Variants in UMODL1 observed in about 807,000 individuals in gnomAD.
The protein encoded by UMODL1 is uromodulin like 1, also known as uromodulin-like 1.
Under a neutral mutation model 136.3 loss-of-function variants are expected in UMODL1, and 128 were observed. That is an observed-to-expected ratio of 0.94 (90% confidence interval 0.81 to 1.09). UMODL1 has a LOEUF of 1.09. UMODL1 is among the 50% of genes least tolerant of loss of function. The probability of loss-of-function intolerance (pLI) is 0.00; values close to 1 mark genes in which losing one functional copy is unlikely to be tolerated. For missense variants in UMODL1, 1,766 were observed against 1,725.6 expected (o/e 1.02, Z -0.41); for synonymous variants, 721 against 720.0 (o/e 1.00, Z -0.02).
intron 21 of UMODL1, 127 bp from the exon 22 acceptor site, chr21:42,137,312 G>T (rs1366235988): frequency 8.4e-7 from 1 of 1,189,240 alleles, no homozygotes; most frequent in Non-Finnish European, 1.2e-6. Flanking sequence ...AGGCACACGG[G>T]TGCACACGTG....
chr21:42,129,609 G>T, intron 20 of UMODL1, 104 bp from the exon 21 acceptor site: 1 of 1,066,898 alleles, frequency 9.4e-7, no homozygotes, highest in East Asian at 2.7e-5. Context: ...ACTTCTAGCA[G>T]GATAAAATCG....
At chr21:42,067,335 T>A (rs1242100719), upstream of UMODL1, among the ~76,000 whole-genome samples, 2 of 152,196 alleles carry the variant, frequency 1.3e-5, no homozygotes, top group Non-Finnish European at 2.9e-5. Flanking sequence ...TGACAATAAG[T>A]GATGGATACT....
At chr21:42,139,405 A>G (rs2067249388) in intron 22 of UMODL1, among the ~76,000 whole-genome samples, 1 of 152,284 alleles carries the variant, frequency 6.6e-6, no homozygotes, top group Admixed American at 6.5e-5. Flanking sequence ...TGAGAGCTCT[A>G]TCGTGAGACA....
chr21:42,131,830 C>A (rs990019122), intron 21 of UMODL1, among the ~76,000 whole-genome samples: 2 of 152,222 alleles, frequency 1.3e-5, no homozygotes, highest in Non-Finnish European at 2.9e-5. Flanking sequence ...GCTGGGACAA[C>A]CTGCTTCTCC....
Position 42,084,038 on chromosome 21 carries a change from T to C in UMODL1, c.320-46T>C, listed in dbSNP as rs774893202. 8.1e-6 allele frequency: 13 copies of C among 1,597,868 alleles called. No individual in the cohort carries two copies. The South Asian group carries it at 1.1e-4, about 14-fold the overall frequency. On this transcript the variant is annotated intron_variant, in intron 2 of 22. Coordinates refer to ENST00000408910, the MANE Select transcript of UMODL1 (RefSeq NM_001004416.3). ...TGAGGTCCCCGTGCAGCAAATCAGG[T>C]TTGTCTTTTATCGCCAGTATCATTA...
intron 17 of UMODL1, among the ~76,000 whole-genome samples, chr21:42,126,050 G>T (rs981128131): frequency 6.6e-6 from 1 of 152,202 alleles, no homozygotes; most frequent in African/African-American, 2.4e-5. Context: ...AGCTCTTGAC[G>T]GTTTTTGACA....
chr21:42,137,251 A>T (rs1238844043), intron 21 of UMODL1, among the ~76,000 whole-genome samples, 188 bp from the exon 22 acceptor site: 1 of 152,160 alleles, frequency 6.6e-6, no homozygotes, highest in Admixed American at 6.5e-5. Context: ...CGCTGTCCTT[A>T]CTGCAATGCT....
intron 4 of UMODL1, chr21:42,086,577 G>A: frequency 2.2e-6 from 1 of 455,674 alleles, no homozygotes. Flanking sequence ...TAGCTCTGAA[G>A]CCACACTGCC....
At position 42,123,089 on chromosome 21, in the gene UMODL1, G is replaced by A. The variant is rs1430063321; in HGVS notation, c.3086G>A (p.Ser1029Asn). ...CACCCCTCCTGCAACGTGAGCCACAGCAATGGCACACACGTGCTCCTGGAG... is the reference window on the plus strand; with the variant it reads ...CACCCCTCCTGCAACGTGAGCCACAACAATGGCACACACGTGCTCCTGGAG... ...LSHPSCNVSH[S>N]NGTHVLLEAG... The change falls in exon 17 of 23, where the codon AGC becomes AAC. Residue 1029 changes from serine (S) to asparagine (N), a missense_variant. By Grantham distance (46) the Ser-to-Asn change is conservative. Coordinates refer to ENST00000408910, the MANE Select transcript of UMODL1 (RefSeq NM_001004416.3). The surrounding 1 kb of genome is among the most constrained non-coding windows in gnomAD (Gnocchi z 4.4). 1 of 1,614,128 alleles carries A rather than the reference G, an allele frequency of 6.2e-7. No individual in the cohort carries two copies. The highest frequency in any genetic ancestry group is 1.1e-5 in the South Asian group (1 of 91,086).
intron 2 of UMODL1, among the ~76,000 whole-genome samples, chr21:42,079,658 G>T (rs753327693): frequency 6.6e-6 from 1 of 152,188 alleles, no homozygotes; most frequent in Admixed American, 6.5e-5. Context: ...CTTTCTAAGA[G>T]GCCAGGGCAG....
chr21:42,130,979 A>G (rs1488116299), intron 21 of UMODL1, among the ~76,000 whole-genome samples: 2 of 151,952 alleles, frequency 1.3e-5, no homozygotes, highest in Non-Finnish European at 2.9e-5. Context: ...ACGCCCGGCT[A>G]ATTTTTTGTA....
intron 22 of UMODL1, among the ~76,000 whole-genome samples, chr21:42,138,076 C>G (rs1035571764): frequency 1.3e-5 from 2 of 152,098 alleles, no homozygotes. Flanking sequence ...GACCACAGGA[C>G]CCAGGGGCCC....
At chr21:42,090,051 C>T (rs570538806) in intron 5 of UMODL1, among the ~76,000 whole-genome samples, 44 of 152,306 alleles carry the variant, frequency 2.9e-4, no homozygotes, top group African/African-American at 8.7e-4. Flanking sequence ...TGAGGCTGCC[C>T]GGTGAGCCAG....
rs546596575 is a variant in UMODL1, at chr21:42,135,572, C to A, written c.3776-1867C>A. 1.4e-3 allele frequency among the ~76,000 whole-genome samples: 216 copies of A among 152,350 alleles called. 1 individual carries two copies. The highest frequency in any genetic ancestry group is 5.0e-3 in the African/African-American group (210 of 41,588). Reference sequence around the variant, plus strand: ...TACTCTGCATCCTCAGGGCGGCACCCCCCCTTGTGCTGGCAAGGTGGCCCG... The same window carrying A: ...TACTCTGCATCCTCAGGGCGGCACCACCCCTTGTGCTGGCAAGGTGGCCCG... On this transcript the variant is annotated intron_variant, in intron 21 of 22. Coordinates refer to ENST00000408910, the MANE Select transcript of UMODL1 (RefSeq NM_001004416.3).
chr21:42,077,054 T>C (rs2066302499), intron 2 of UMODL1, among the ~76,000 whole-genome samples: 1 of 134,588 alleles, frequency 7.4e-6, no homozygotes, highest in Admixed American at 7.2e-5. Flanking sequence ...TGTGTGTGTG[T>C]GTGTGTGTGT....
chr21:42,116,485 C>T (rs553662395), intron 14 of UMODL1, among the ~76,000 whole-genome samples: 81 of 152,274 alleles, frequency 5.3e-4, no homozygotes, highest in African/African-American at 1.8e-3. Context: ...GGATCTGCCC[C>T]GGCGAAGACA....
chr21:42,134,574 C>A (rs115528520), intron 21 of UMODL1, among the ~76,000 whole-genome samples: 4 of 152,154 alleles, frequency 2.6e-5, no homozygotes, highest in Middle Eastern at 3.4e-3. Flanking sequence ...TTCCTCTGAA[C>A]GCGGGTTCTT....
intron 22 of UMODL1, among the ~76,000 whole-genome samples, chr21:42,141,108 T>C (rs1260382145): frequency 6.6e-6 from 1 of 152,180 alleles, no homozygotes; most frequent in Non-Finnish European, 1.5e-5. Context: ...CAGCAAAGTA[T>C]AGTAGACACT....
Position 42,111,133 on chromosome 21 carries a change from T to C in UMODL1, c.1899+12T>C. The C allele has an allele frequency of 6.2e-7, 1 of 1,601,608 alleles. No homozygotes were observed. The highest frequency in any genetic ancestry group is 8.5e-7 in the Non-Finnish European group (1 of 1,174,706). Reference sequence around the variant, plus strand: ...GCGTGGAGCAGGAGGTGCCCAGCACTGCCCCGGGTCTGGGGATGGACCAGG... The same window carrying C: ...GCGTGGAGCAGGAGGTGCCCAGCACCGCCCCGGGTCTGGGGATGGACCAGG... On this transcript the variant is annotated intron_variant, in intron 11 of 22. Transcript: ENST00000408910.
Sources: gnomAD v4.1 joint callset for allele counts (sites outside exome capture counted in the v4.1 genomes callset) on GRCh38, gnomAD v4.1.1 for gene constraint, Gnocchi (gnomAD v3.1) non-coding constraint, MANE v1.5 for transcripts, NCBI Gene and HGNC (gene_info 2026-07-23, HGNC 2026-07-21) for gene names.